Variants in TBATA observed in about 807,000 individuals in gnomAD.
The protein encoded by TBATA is protein TBATA.
A neutral mutation model predicts 38.7 loss-of-function variants in TBATA; 47 were observed. The ratio of observed to expected loss-of-function variants is 1.21; its 90% CI spans 0.96 to 1.55. The LOEUF (loss-of-function observed/expected upper bound fraction) is 1.55. Ranked by LOEUF, TBATA falls within the 40% of genes most tolerant of loss-of-function variation. The pLI, the probability that TBATA is intolerant of heterozygous loss-of-function variation, is 0.00. For synonymous variants in TBATA, 183 were observed against 170.5 expected, an observed-to-expected ratio of 1.07 and a Z score of -0.57; for missense variants, 436 against 435.6, an observed-to-expected ratio of 1.00 and a Z score of -0.01.
At position 70,774,396 on chromosome 10, in the gene TBATA, G is replaced by A. The variant is rs751554301; in HGVS notation, c.776-39C>T. ...CCGGGGGCAGTGTCCTCAGCCCCCAGCCCCCTTCCTGTCCCTGTGGCGGGG... is the reference window on the plus strand; with the variant it reads ...CCGGGGGCAGTGTCCTCAGCCCCCAACCCCCTTCCTGTCCCTGTGGCGGGG... On this transcript the variant is annotated intron_variant, in intron 8 of 10. Transcript: ENST00000456372. 1.1e-5 allele frequency: 17 copies of A among 1,543,938 alleles called. No individual in the cohort carries two copies. The East Asian group carries it at 1.4e-4, about 13-fold the overall frequency.
chr10:70,778,527 C>T, intron 6 of TBATA, 30 bp downstream of exon 6: 1 of 1,606,462 alleles, frequency 6.2e-7, no homozygotes, highest in Admixed American at 1.7e-5. Flanking sequence ...TTCTCCTCTT[C>T]CCAGACTAGC....
rs1001646863 is a variant in TBATA, at chr10:70,781,781, C to T, written c.277+20G>A. The T allele has an allele frequency of 1.9e-6, 3 of 1,608,036 alleles. No individual in the cohort carries two copies. Among genetic ancestry groups the T allele is most frequent in the African/African-American group, 2.7e-5 (2 of 74,808 alleles). ...TTAGTGATACTCCCTCTGCTCCCAC[C>T]CCAACCAGCCAGGCCCTACCTTGGA... On this transcript the variant is annotated intron_variant, in intron 4 of 10. Transcript: ENST00000456372.
At position 70,777,354 on chromosome 10, in the gene TBATA, CCAGAGACTCCAGG is replaced by C; in HGVS notation, c.508-29_508-17del. The stretch of plus-strand genomic sequence containing the variant: ...GCTCCTTCTGCTGGGACAAAAGTGG[CCAGAGACTCCAGG>C]CAGTCAGCAAGAGGGGAGGAAGAGG... On this transcript the variant is annotated splice_polypyrimidine_tract_variant and intron_variant, in intron 6 of 10. Transcript: ENST00000456372. 1 of 1,607,898 alleles carries C rather than the reference CCAGAGACTCCAGG, an allele frequency of 6.2e-7. No individual in the cohort carries two copies. The highest frequency in any genetic ancestry group is 8.5e-7 in the Non-Finnish European group (1 of 1,176,972).
intron 7 of TBATA, among the ~76,000 whole-genome samples, chr10:70,776,537 T>C (rs2254308): frequency 0.37 from 55,666 of 152,122 alleles, 10,484 homozygotes; most frequent in African/African-American, 0.46. Flanking sequence ...TGCATTGTGG[T>C]AAGGTTTCAG....
In TBATA at chr10:70,782,535, CA is replaced by C; in HGVS notation, c.42-500del. On this transcript the variant is annotated intron_variant, in intron 3 of 10. Coordinates refer to ENST00000456372, the MANE Select transcript of TBATA (RefSeq NM_001318241.2). ...TGGCTCAGACTCAGCGTCCAGAGGC[CA>C]GAGCTGGAGCTTAGGCCAGACCAGA... 3.2e-6 allele frequency: 4 copies of C among 1,264,684 alleles called. No homozygotes were observed. The South Asian group carries it at 3.9e-5, about 12-fold the overall frequency. The allele number at this position is 1,264,684 out of a possible 1,614,324, so 78.3% of individuals were successfully genotyped here.
chr10:70,782,037 C>T lies in TBATA; in HGVS notation c.42-1G>A, dbSNP rs761315072. On this transcript the variant is annotated splice_acceptor_variant, in intron 3 of 10. Transcript: ENST00000456372. LOFTEE classifies it high-confidence loss of function. Reference sequence around the variant, plus strand: ...CTCCAGTTTCAGCTCAGCCTTTGGACTGAAGGAGGGGGTTTCAGGAGAAGC... The same window carrying T: ...CTCCAGTTTCAGCTCAGCCTTTGGATTGAAGGAGGGGGTTTCAGGAGAAGC... 6.2e-6 allele frequency: 10 copies of T among 1,614,060 alleles called. No individual in the cohort carries two copies. The South Asian group carries it at 1.1e-4, about 18-fold the overall frequency.
chr10:70,775,360 C>A lies in TBATA; in HGVS notation c.694-90G>T, dbSNP rs908367316. 5.1e-6 allele frequency: 6 copies of A among 1,167,758 alleles called. No homozygotes were observed. In the South Asian group the frequency reaches 5.2e-5, roughly 10 times the overall value. The allele number at this position is 1,167,758 out of a possible 1,614,324, so 72.3% of individuals were successfully genotyped here. On this transcript the variant is annotated intron_variant, in intron 7 of 10. Coordinates refer to ENST00000456372, the MANE Select transcript of TBATA (RefSeq NM_001318241.2). The stretch of plus-strand genomic sequence containing the variant: ...TTTGGAGGGCACCAAGGAGACCCTT[C>A]CCCCAAAGTGGGCTCCCAGAGGCGC...
At position 70,771,612 on chromosome 10, in the gene TBATA, A is replaced by T. The variant is rs1842799646; in HGVS notation, c.974-151T>A. ...CTGCTGGTGACCGAGGAGGGAATCCAACCTGAGAGGAATGGAGCGAATGGA... is the reference window on the plus strand; with the variant it reads ...CTGCTGGTGACCGAGGAGGGAATCCTACCTGAGAGGAATGGAGCGAATGGA... On this transcript the variant is annotated intron_variant, in intron 10 of 10. Transcript: ENST00000456372. The T allele has an allele frequency of 4.3e-6, 3 of 690,772 alleles. No individual in the cohort carries two copies. In the Admixed American group the frequency reaches 8.3e-5, roughly 19 times the overall value. 42.8% of individuals were successfully genotyped at this position (690,772 alleles called of 1,614,324 possible).
chr10:70,783,215 G>A (rs1026175845), intron 3 of TBATA, 124 bp downstream of exon 3: 1 of 1,128,728 alleles, frequency 8.9e-7, no homozygotes, highest in East Asian at 2.5e-5. Flanking sequence ...GGCAGCAGAA[G>A]TCCAGTAAGA....
In TBATA at chr10:70,784,697, G is replaced by A. The variant is rs1416027625; in HGVS notation, c.-197C>T. On this transcript the variant is annotated 5_prime_UTR_variant, in exon 2 of 11. Transcript: ENST00000456372. The stretch of plus-strand genomic sequence containing the variant: ...AAAGGAAGCTCCAGACATCCTTGAT[G>A]TCAGGTACTGGGCTCTAGAGTACTG... 1.3e-5 allele frequency: 2 copies of A among 152,176 alleles called. No homozygotes were observed. Among genetic ancestry groups the A allele is most frequent in the African/African-American group, 2.4e-5 (1 of 41,442 alleles). 9.4% of individuals were successfully genotyped at this position (152,176 alleles called of 1,614,324 possible). A position where few individuals can be genotyped will look rare whatever the true frequency, so the allele number is the denominator to read the frequency against.
intron 9 of TBATA, 81 bp from the exon 10 acceptor site, chr10:70,772,647 G>T: frequency 6.9e-7 from 1 of 1,447,366 alleles, no homozygotes; most frequent in South Asian, 1.1e-5. Context: ...ACAGGGAGGT[G>T]GGGAAGGTGG....
intron 5 of TBATA, chr10:70,778,925 G>A (rs1158026462): frequency 2.7e-5 from 14 of 527,262 alleles, no homozygotes; most frequent in Non-Finnish European, 4.5e-5. Context: ...GAGAATATTT[G>A]GTTACCTGTG....
At position 70,771,420 on chromosome 10, in the gene TBATA, G is replaced by A; in HGVS notation, c.1015C>T (p.Gln339Ter). 1 of 1,614,130 alleles carries A rather than the reference G, an allele frequency of 6.2e-7. No individual in the cohort carries two copies. ...EAQVLQMHSS[Q>*]NTEKKTSKPR... Reference sequence around the variant, plus strand: ...TTCGATGTCTTCTTCTCTGTGTTCTGGCTTGAATGCATCTGGAGGACTTGA... The same window carrying A: ...TTCGATGTCTTCTTCTCTGTGTTCTAGCTTGAATGCATCTGGAGGACTTGA... The change falls in exon 11 of 11, where the codon CAG (glutamine) becomes TAG (stop). Residue 339 changes from glutamine to a stop codon, truncating the protein, a stop_gained. Coordinates refer to ENST00000456372, the MANE Select transcript of TBATA (RefSeq NM_001318241.2). LOFTEE classifies it low-confidence loss of function (END_TRUNC).
intron 10 of TBATA, among the ~76,000 whole-genome samples, 196 bp from the exon 11 acceptor site, chr10:70,771,657 A>C (rs1362868945): frequency 6.6e-6 from 1 of 152,160 alleles, no homozygotes; most frequent in Non-Finnish European, 1.5e-5. Flanking sequence ...CTCTTCTTTC[A>C]ACATCCAAGT....
chr10:70,771,436 G>C lies in TBATA; in HGVS notation c.999C>G (p.Leu333=). The part of the protein sequence containing the change: ...KPEYIGEAQV[L]QMHSSQNTEK... ...CTGTGTTCTGGCTTGAATGCATCTG[G>C]AGGACTTGAGCTTCTCCAATGTACT... The change falls in exon 11 of 11, where the codon CTC becomes CTG. Residue 333 remains leucine, a synonymous_variant. Coordinates refer to ENST00000456372, the MANE Select transcript of TBATA (RefSeq NM_001318241.2). The C allele has an allele frequency of 6.2e-7, 1 of 1,614,108 alleles. No individual in the cohort carries two copies. The highest frequency in any genetic ancestry group is 8.5e-7 in the Non-Finnish European group (1 of 1,180,006).
At chr10:70,775,136 G>A in intron 8 of TBATA, 53 bp downstream of exon 8, 1 of 1,535,128 alleles carries the variant, frequency 6.5e-7, no homozygotes, top group South Asian at 1.1e-5. Context: ...AGAGATCAAG[G>A]GCAGGACCTT....
chr10:70,782,213 C>G (rs752308748), intron 3 of TBATA, 177 bp from the exon 4 acceptor site: 1 of 1,338,906 alleles, frequency 7.5e-7, no homozygotes, highest in Non-Finnish European at 1.0e-6. Flanking sequence ...AGAGTCCTTT[C>G]CCAACTGGTG....
chr10:70,782,585 G>A, intron 3 of TBATA: 1 of 985,444 alleles, frequency 1.0e-6, no homozygotes, highest in African/African-American at 1.7e-5. Context: ...TTCCCATGGG[G>A]GTCCCTCCTA....
At position 70,784,683 on chromosome 10, in the gene TBATA, C is replaced by T. The variant is rs967318626; in HGVS notation, c.-183G>A. 1 of 152,166 alleles carries T rather than the reference C, an allele frequency of 6.6e-6. No individual in the cohort carries two copies. The highest frequency in any genetic ancestry group is 1.5e-5 in the Non-Finnish European group (1 of 68,034). 9.4% of individuals were successfully genotyped at this position (152,166 alleles called of 1,614,324 possible). A position where few individuals can be genotyped will look rare whatever the true frequency, so the allele number is the denominator to read the frequency against. On this transcript the variant is annotated 5_prime_UTR_variant, in exon 2 of 11. Coordinates refer to ENST00000456372, the MANE Select transcript of TBATA (RefSeq NM_001318241.2). ...CTTTTCTTTCCTTAAAAGGAAGCTC[C>T]AGACATCCTTGATGTCAGGTACTGG...
Sources: gnomAD v4.1 joint callset for allele counts (sites outside exome capture counted in the v4.1 genomes callset) on GRCh38, gnomAD v4.1.1 for gene constraint, MANE v1.5 for transcripts, NCBI Gene and HGNC (gene_info 2026-07-23, HGNC 2026-07-21) for gene names.